Variants in SRP14 observed in about 807,000 individuals in gnomAD.
The protein encoded by SRP14 is signal recognition particle 14 kDa protein.
In SRP14, 1 loss-of-function variant was observed where a neutral mutation model predicts 16.0. The ratio of observed to expected loss-of-function variants is 0.06; its 90% CI spans 0.02 to 0.30. The LOEUF (loss-of-function observed/expected upper bound fraction) is 0.30. Among genes scored for constraint, SRP14 ranks in the 10% least tolerant of loss-of-function variants. The pLI is 1.00. For missense variants in SRP14, 120 were observed against 163.1 expected (o/e 0.74, Z 1.44); for synonymous variants, 67 against 60.1 (o/e 1.12, Z -0.53).
chr15:40,036,135 C>A lies in SRP14; in HGVS notation c.*198G>T. The A allele has an allele frequency of 1.1e-6, 1 of 895,784 alleles. No individual in the cohort carries two copies. The highest frequency in any genetic ancestry group is 1.7e-6 in the Non-Finnish European group (1 of 592,326). The allele number at this position is 895,784 out of a possible 1,614,324, so 55.5% of individuals were successfully genotyped here. On this transcript the variant is annotated 3_prime_UTR_variant, in exon 5 of 5. Coordinates refer to ENST00000267884, the MANE Select transcript of SRP14 (RefSeq NM_003134.6). ...TCCAGGAGTATATAACCATGCAGCACAGACCAATTAGCCAAATGCAAAATA... is the reference window on the plus strand; with the variant it reads ...TCCAGGAGTATATAACCATGCAGCAAAGACCAATTAGCCAAATGCAAAATA...
Position 40,037,932 on chromosome 15 carries a change from A to AAAT in SRP14, c.210+347_210+349dup, listed in dbSNP as rs201058152. On this transcript the variant is annotated intron_variant, in intron 3 of 4. Transcript: ENST00000267884. ...CGCCATGTGAACCACAAAGATAAGG[A>AAAT]AATAATAGCATCACCTGGTACCAAG... Among the ~76,000 whole-genome samples, 1,067 of 152,330 alleles carry AAAT rather than the reference A, an allele frequency of 7.0e-3. 9 individuals are homozygous for AAAT. The highest frequency in any genetic ancestry group is 0.024 in the African/African-American group (1,015 of 41,554).
At chr15:40,037,771 C>T (rs552782693) in intron 3 of SRP14, among the ~76,000 whole-genome samples, 1 of 152,278 alleles carries the variant, frequency 6.6e-6, no homozygotes, top group South Asian at 2.1e-4. Flanking sequence ...TGATTTCTGC[C>T]ACAGCAGAAT....
intron 3 of SRP14, chr15:40,037,279 G>GAAAAAAAACAAAAAAAAA: frequency 1.3e-6 from 1 of 740,792 alleles, no homozygotes; most frequent in South Asian, 2.8e-5. Context: ...TCCTTTTGGG[G>GAAAAAAAACAAAAAAAAA]AAAAAAAAAA....
intron 2 of SRP14, 62 bp downstream of exon 2, chr15:40,038,814 C>G (rs1306408877): frequency 1.3e-6 from 2 of 1,573,762 alleles, no homozygotes; most frequent in Non-Finnish European, 1.7e-6. Context: ...CAGACAGACT[C>G]CGGTGGCTCC....
At position 40,038,919 on chromosome 15, in the gene SRP14, C is replaced by A. The variant is rs577332619; in HGVS notation, c.54G>T (p.Gln18His). ...AGACGCTGCCCGACGTCCGGCACTT[C>A]TGGAAAAGTCTGGTCAGCTCCGTCA... is the stretch of plus-strand genomic sequence containing the variant. ...QFLTELTRLF[Q>H]KCRTSGSVYI... Residue 18 changes from glutamine (Q) to histidine (H), a missense_variant, in exon 2 of 5, where the codon CAG becomes CAT. Transcript: ENST00000267884. The A allele has an allele frequency of 6.2e-7, 1 of 1,613,228 alleles. No individual in the cohort carries two copies.
At chr15:40,036,735 C>G (rs2035629700) in intron 4 of SRP14, 1 of 635,512 alleles carries the variant, frequency 1.6e-6, no homozygotes, top group South Asian at 2.1e-5. Context: ...GGGAAAATTG[C>G]AGGCAACTTC....
intron 2 of SRP14, 195 bp from the exon 3 acceptor site, chr15:40,038,589 A>C: frequency 1.6e-6 from 1 of 608,702 alleles, no homozygotes; most frequent in South Asian, 2.0e-5. Context: ...GAAACATGTA[A>C]TATCGAAGCA....
At chr15:40,036,705 T>A (rs889860786) in intron 4 of SRP14, 26 of 661,136 alleles carry the variant, frequency 3.9e-5, no homozygotes, top group South Asian at 3.0e-4. Context: ...GTTGCACACA[T>A]TTTTTACGTT....
chr15:40,036,627 T>C, intron 4 of SRP14, 127 bp from the exon 5 acceptor site: 2 of 907,572 alleles, frequency 2.2e-6, no homozygotes, highest in Non-Finnish European at 3.4e-6. Flanking sequence ...TGGACACTTG[T>C]ACCGGAAAAT....
rs759664453 is a variant in SRP14, at chr15:40,036,999, T to C, written c.230A>G (p.Asn77Ser). Residue 77 changes from asparagine to serine, a missense_variant, in exon 4 of 5, where the codon AAT becomes AGT. Asn to Ser is a conservative substitution (Grantham distance 46). This residue lies in a region of SRP14 where 44 missense variants were observed against 93.1 expected (regional missense o/e 0.47). Transcript: ENST00000267884. ...CCCAAAACTCACCATCTGAAACTTA[T>C]TCACTTCCTTGGAGCTCACCTGAAA... ...ISTVVSSKEV[N>S]KFQMAYSNLL... The C allele has an allele frequency of 7.4e-6, 12 of 1,613,832 alleles. No homozygotes were observed. Among genetic ancestry groups the C allele is most frequent in the Admixed American group, 1.7e-5 (1 of 59,986 alleles).
In SRP14 at chr15:40,038,857, C is replaced by G; in HGVS notation, c.97+19G>C. ...CGGGAACCCAGGGAGCATCGCCCGG[C>G]TCCCCTCCCGCTGCTTACACTTCTT... On this transcript the variant is annotated intron_variant, in intron 2 of 4. Transcript: ENST00000267884. 1 of 1,612,908 alleles carries G rather than the reference C, an allele frequency of 6.2e-7. No individual in the cohort carries two copies. Among genetic ancestry groups the G allele is most frequent in the South Asian group, 1.1e-5 (1 of 90,958 alleles).
Position 40,036,978 on chromosome 15 carries a change from A to G in SRP14, c.243+8T>C. On this transcript the variant is annotated splice_region_variant and intron_variant, in intron 4 of 4. Coordinates refer to ENST00000267884, the MANE Select transcript of SRP14 (RefSeq NM_003134.6). ...AGAAGGGAAACATAAGGAACACCCA[A>G]AACTCACCATCTGAAACTTATTCAC... The G allele has an allele frequency of 6.2e-7, 1 of 1,614,028 alleles. No homozygotes were observed. The highest frequency in any genetic ancestry group is 8.5e-7 in the Non-Finnish European group (1 of 1,180,010).
intron 3 of SRP14, among the ~76,000 whole-genome samples, chr15:40,037,719 G>A (rs540889813): frequency 3.3e-5 from 5 of 152,096 alleles, no homozygotes; most frequent in Admixed American, 6.5e-5. Flanking sequence ...TTCCAACTAA[G>A]TATAGTCTAC....
chr15:40,039,110 A>C lies in SRP14; in HGVS notation c.7T>G (p.Leu3Val), dbSNP rs776220548. The part of the protein sequence containing the change: MV[L>V]LESEQFLTEL... ...AGCCATACCTGCTCGCTCTCCAACA[A>C]CACCATCGCGGCGACGCTGGCTCGA... The change falls in exon 1 of 5, where the codon TTG (leucine) becomes GTG (valine). Residue 3 changes from leucine (L) to valine (V), a missense_variant. By Grantham distance (32) the Leu-to-Val change is conservative. This residue lies in a region of SRP14 where 33 missense variants were observed against 33.0 expected (regional missense o/e 1.00). Transcript: ENST00000267884. The C allele has an allele frequency of 8.7e-6, 14 of 1,612,348 alleles. No homozygotes were observed. Among genetic ancestry groups the C allele is most frequent in the South Asian group, 2.2e-5 (2 of 90,784 alleles).
At chr15:40,038,852 C>G (rs1368257938) in intron 2 of SRP14, 24 bp downstream of exon 2, 1 of 1,612,582 alleles carries the variant, frequency 6.2e-7, no homozygotes, top group South Asian at 1.1e-5. Context: ...GGGAGCATCG[C>G]CCGGCTCCCC....
chr15:40,038,871 C>T lies in SRP14; in HGVS notation c.97+5G>A. 2.5e-6 allele frequency: 4 copies of T among 1,613,710 alleles called. No individual in the cohort carries two copies. The highest frequency in any genetic ancestry group is 3.4e-6 in the Non-Finnish European group (4 of 1,179,876). ...GCATCGCCCGGCTCCCCTCCCGCTG[C>T]TTACACTTCTTCAAGGTGATATAGA... On this transcript the variant is annotated splice_donor_5th_base_variant and intron_variant, in intron 2 of 4. Coordinates refer to ENST00000267884, the MANE Select transcript of SRP14 (RefSeq NM_003134.6).
rs371085676 is a variant in SRP14, at chr15:40,036,395, GTGCTGCTGCTGCTGCTGC to G, written c.331_348del (p.Ala111_Ala116del). On this transcript the variant is annotated inframe_deletion, in exon 5 of 5. Coordinates refer to ENST00000267884, the MANE Select transcript of SRP14 (RefSeq NM_003134.6). ...GTTGGTGCTGTTGCTGCTGCGGCAG[GTGCTGCTGCTGCTGCTGC>G]TGCTGCTGCTTTGGTCTTCTTAGTT... The G allele has an allele frequency of 2.7e-6, 4 of 1,487,856 alleles. No individual in the cohort carries two copies. The highest frequency in any genetic ancestry group is 1.8e-5 in the Admixed American group (1 of 56,392). The allele number at this position is 1,487,856 out of a possible 1,614,324, so 92.2% of individuals were successfully genotyped here.
At chr15:40,039,027 G>T in intron 1 of SRP14, 66 bp downstream of exon 1, 1 of 1,606,324 alleles carries the variant, frequency 6.2e-7, no homozygotes, top group Non-Finnish European at 8.5e-7. Flanking sequence ...TCCTCCTGCA[G>T]GAGGCACAGG....
chr15:40,037,166 TG>T, intron 3 of SRP14, 148 bp from the exon 4 acceptor site: 2 of 1,241,056 alleles, frequency 1.6e-6, no homozygotes, highest in Non-Finnish European at 2.2e-6. Context: ...AATACACGAA[TG>T]GTTATTTTTC....
Sources: gnomAD v4.1 joint callset for allele counts (sites outside exome capture counted in the v4.1 genomes callset) on GRCh38, gnomAD v4.1.1 for gene constraint, gnomAD v4.1.1 regional missense constraint, MANE v1.5 for transcripts, NCBI Gene and HGNC (gene_info 2026-07-23, HGNC 2026-07-21) for gene names.